The following SMG6 variants were observed in gnomAD, a reference collection of about 807,000 sequenced individuals.
SMG6 encodes the protein SMG6 nonsense mediated mRNA decay factor.
SMG6 carries 66 observed loss-of-function variants against 142.2 expected under a neutral mutation model. The ratio of observed to expected loss-of-function variants is 0.46; its 90% CI spans 0.38 to 0.57. The LOEUF is 0.57. Ranked by LOEUF, SMG6 falls within the 20% of genes least tolerant of loss-of-function variation. SMG6 has a pLI of 0.00. For missense variants in SMG6, 1,793 were observed against 1,832.0 expected, an observed-to-expected ratio of 0.98 and a Z score of 0.39; for synonymous variants, 779 against 702.4, an observed-to-expected ratio of 1.11 and a Z score of -1.72.
intron 10 of SMG6, among the ~76,000 whole-genome samples, chr17:2,230,966 GC>G (rs2073474053): frequency 6.6e-6 from 1 of 152,130 alleles, no homozygotes; most frequent in East Asian, 1.9e-4. Flanking sequence ...TAGAGAAAAA[GC>G]CCAAGGGTTT....
intron 10 of SMG6, among the ~76,000 whole-genome samples, chr17:2,190,754 GCT>G (rs1273715213): frequency 6.6e-6 from 1 of 152,182 alleles, no homozygotes; most frequent in Non-Finnish European, 1.5e-5. Context: ...CTTCATGACT[GCT>G]CTGTCCTTGG....
intron 13 of SMG6, among the ~76,000 whole-genome samples, chr17:2,140,275 C>G (rs137908578): frequency 2.1e-4 from 31 of 151,214 alleles, no homozygotes; most frequent in Non-Finnish European, 3.8e-4. Context: ...GCTGCCTAAG[C>G]TGGTCTCCTG....
chr17:2,238,536 C>T (rs188071092), intron 9 of SMG6, among the ~76,000 whole-genome samples: 114 of 152,296 alleles, frequency 7.5e-4, no homozygotes, highest in African/African-American at 2.0e-3. Flanking sequence ...GGGGAGGGGG[C>T]TAGCACTTCT....
chr17:2,183,901 AG>A (rs2071886161), intron 12 of SMG6, among the ~76,000 whole-genome samples: 1 of 152,180 alleles, frequency 6.6e-6, no homozygotes. Flanking sequence ...AGGCAGATAC[AG>A]GAAGACCCAC....
chr17:2,080,341 C>G (rs1349128744), intron 15 of SMG6, among the ~76,000 whole-genome samples: 3 of 152,044 alleles, frequency 2.0e-5, no homozygotes, highest in Non-Finnish European at 4.4e-5. Context: ...TCGCTGGAAC[C>G]CGGGAGGTGG....
At chr17:2,077,330 A>G (rs2068287363) in intron 15 of SMG6, among the ~76,000 whole-genome samples, 1 of 152,238 alleles carries the variant, frequency 6.6e-6, no homozygotes, top group Admixed American at 6.5e-5. Flanking sequence ...TGAAGCCTGA[A>G]GAGTGTCACA....
chr17:2,103,863 A>T (rs921421377), intron 13 of SMG6, among the ~76,000 whole-genome samples: 2 of 152,204 alleles, frequency 1.3e-5, no homozygotes, highest in African/African-American at 4.8e-5. Flanking sequence ...AAGAGGTAAG[A>T]AGTCGTCTCA....
chr17:2,250,763 GGA>G (rs2074029117), intron 8 of SMG6, among the ~76,000 whole-genome samples: 1 of 152,056 alleles, frequency 6.6e-6, no homozygotes, highest in South Asian at 2.1e-4. Context: ...CAACATAGGT[GGA>G]GACCAAATTT....
intron 10 of SMG6, among the ~76,000 whole-genome samples, chr17:2,224,906 C>T (rs1567697437): frequency 6.6e-6 from 1 of 152,080 alleles, no homozygotes; most frequent in East Asian, 1.9e-4. Context: ...AAAAGAGAAA[C>T]AAAACAGATA....
At chr17:2,211,817 T>G (rs1472448281) in intron 10 of SMG6, among the ~76,000 whole-genome samples, 1 of 152,196 alleles carries the variant, frequency 6.6e-6, no homozygotes, top group Non-Finnish European at 1.5e-5. Flanking sequence ...ACTGACTCAC[T>G]GACCTTCCCT....
intron 13 of SMG6, among the ~76,000 whole-genome samples, chr17:2,122,768 C>T (rs1301817180): frequency 6.6e-6 from 1 of 152,140 alleles, no homozygotes; most frequent in Non-Finnish European, 1.5e-5. Flanking sequence ...GTGGGAGGTG[C>T]CAGAGCAGCT....
intron 12 of SMG6, among the ~76,000 whole-genome samples, chr17:2,183,594 A>G (rs1597544494): frequency 6.6e-6 from 1 of 152,228 alleles, no homozygotes; most frequent in East Asian, 1.9e-4. Flanking sequence ...TTATATTCCA[A>G]TCAACTTTAT....
At chr17:2,065,022 T>C (rs1434867769) in intron 18 of SMG6, 51 bp downstream of exon 18, 14 of 1,402,690 alleles carry the variant, frequency 1.0e-5, no homozygotes, top group Admixed American at 5.2e-5. Context: ...ATGGGTAGGA[T>C]GAGGTAGGGC....
At chr17:2,169,611 C>T (rs1022997386) in intron 13 of SMG6, among the ~76,000 whole-genome samples, 4 of 152,250 alleles carry the variant, frequency 2.6e-5, no homozygotes, top group Admixed American at 1.3e-4. Context: ...GAGGCATGAG[C>T]GCTTGGTTTG....
At chr17:2,120,947 T>C (rs918327471) in intron 13 of SMG6, among the ~76,000 whole-genome samples, 1 of 152,052 alleles carries the variant, frequency 6.6e-6, no homozygotes, top group Non-Finnish European at 1.5e-5. Flanking sequence ...TAAAATATAA[T>C]AGCACCAACT....
At chr17:2,223,584 A>G (rs910666317) in intron 10 of SMG6, among the ~76,000 whole-genome samples, 2 of 152,134 alleles carry the variant, frequency 1.3e-5, no homozygotes, top group Non-Finnish European at 2.9e-5. Flanking sequence ...CAGATATATA[A>G]TGTGATGTAG....
intron 8 of SMG6, among the ~76,000 whole-genome samples, chr17:2,257,976 T>A (rs2074222210): frequency 7.5e-6 from 1 of 133,510 alleles, no homozygotes; most frequent in Non-Finnish European, 1.5e-5. Flanking sequence ...GCCACTGGAC[T>A]CCAGCCTGGG....
rs189638411 is a variant in SMG6 at position 2,172,075 on chromosome 17, C to A, written c.3357+583G>T. Reference sequence around the variant, plus strand: ...AGTCTCCAACAGCGCAACAGGGAATCGGCTTTGTTTTCTATAAACAGACAG... The same window carrying A: ...AGTCTCCAACAGCGCAACAGGGAATAGGCTTTGTTTTCTATAAACAGACAG... On this transcript the variant is annotated intron_variant, in intron 13 of 18. Coordinates refer to ENST00000263073, the MANE Select transcript of SMG6 (RefSeq NM_017575.5). Among the ~76,000 whole-genome samples the A allele has an allele frequency of 1.8e-3, 278 of 152,262 alleles. 1 individual carries two copies. The highest frequency in any genetic ancestry group is 6.5e-3 in the African/African-American group (270 of 41,552).
rs969273386 is a variant in SMG6 at position 2,085,169 on chromosome 17, C to T, written c.3534+556G>A. On this transcript the variant is annotated intron_variant, in intron 14 of 18. Coordinates refer to ENST00000263073, the MANE Select transcript of SMG6 (RefSeq NM_017575.5). The surrounding 1 kb of genome is among the most constrained non-coding windows in gnomAD (Gnocchi z 4.1). ...ACGCGCACACACACACACAGACACA[C>T]ACACACGAGTCTGGAGTGAAGCAAG... 1.3e-5 allele frequency among the ~76,000 whole-genome samples: 2 copies of T among 152,074 alleles called. No homozygotes were observed. The highest frequency in any genetic ancestry group is 4.8e-5 in the African/African-American group (2 of 41,392).
Sources: allele counts gnomAD v4.1 joint callset (sites outside exome capture counted in the v4.1 genomes callset), GRCh38; gene constraint gnomAD v4.1.1; non-coding constraint Gnocchi (gnomAD v3.1); transcripts MANE v1.5; gene names NCBI Gene and HGNC (gene_info 2026-07-23, HGNC 2026-07-21).